The following RUNDC3A variants were observed in gnomAD, a reference collection of about 807,000 sequenced individuals.
The protein encoded by RUNDC3A is RUN domain-containing protein 3A.
A neutral mutation model predicts 53.9 loss-of-function variants in RUNDC3A; 28 were observed. The ratio of observed to expected loss-of-function variants is 0.52; its 90% CI spans 0.38 to 0.71. The LOEUF (loss-of-function observed/expected upper bound fraction) is 0.71, where lower values mean the gene tolerates loss of function less well. Ranked by LOEUF, RUNDC3A falls within the 30% of genes least tolerant of loss-of-function variation. The probability of loss-of-function intolerance (pLI) is 0.00; values close to 1 mark genes in which losing one functional copy is unlikely to be tolerated. For synonymous variants in RUNDC3A, 232 were observed against 249.4 expected (o/e 0.93, Z 0.66); for missense variants, 491 against 597.3 (o/e 0.82, Z 1.85).
chr17:44,317,878 A>G, intron 10 of RUNDC3A: 1 of 594,414 alleles, frequency 1.7e-6, no homozygotes, highest in Non-Finnish European at 3.0e-6. Flanking sequence ...TCACGGGGAG[A>G]CAGAGACATC....
Position 44,318,086 on chromosome 17 carries a change from C to T in RUNDC3A, c.1199-10C>T. 1.3e-6 allele frequency: 2 copies of T among 1,550,196 alleles called. No individual in the cohort carries two copies. Among genetic ancestry groups the T allele is most frequent in the South Asian group, 2.4e-5 (2 of 84,044 alleles). ...CTGGTCGCTTGGCCTCACCTGCCCT[C>T]TCTCCCCAGGGAAGGACCCCACGCC... On this transcript the variant is annotated splice_polypyrimidine_tract_variant and intron_variant, in intron 10 of 10. Coordinates refer to ENST00000426726, the MANE Select transcript of RUNDC3A (RefSeq NM_001144825.2).
At chr17:44,311,641 A>T (rs1416025744) in intron 1 of RUNDC3A, 4 of 151,908 alleles carry the variant, frequency 2.6e-5, no homozygotes, top group Non-Finnish European at 5.9e-5. Flanking sequence ...CACCCACAGC[A>T]GGGAAATCAT....
intron 1 of RUNDC3A, among the ~76,000 whole-genome samples, chr17:44,312,337 C>A (rs2047763535): frequency 6.6e-6 from 1 of 152,124 alleles, no homozygotes; most frequent in Admixed American, 6.5e-5. Flanking sequence ...TCTCCTGTCA[C>A]CCACTTTGTC....
At chr17:44,313,029 C>T in intron 2 of RUNDC3A, 75 bp from the exon 3 acceptor site, 2 of 1,503,724 alleles carry the variant, frequency 1.3e-6, no homozygotes, top group Non-Finnish European at 1.8e-6. Context: ...TATGCTTATG[C>T]ATGTGAGTGC....
At chr17:44,317,710 C>T in intron 10 of RUNDC3A, 1 of 628,834 alleles carries the variant, frequency 1.6e-6, no homozygotes, top group South Asian at 1.8e-5. Context: ...CCCCATCACA[C>T]TGTGTTTGTG....
At position 44,318,197 on chromosome 17, in the gene RUNDC3A, A is replaced by G. The variant is rs1395921989; in HGVS notation, c.1300A>G (p.Ser434Gly). The G allele has an allele frequency of 1.3e-6, 2 of 1,551,222 alleles. No homozygotes were observed. Among genetic ancestry groups the G allele is most frequent in the African/African-American group, 2.7e-5 (2 of 73,020 alleles). ...CTTCAAATCCAACGAGTGCCTGGTG[A>G]GCGACAGTCCCGAGGGCAGCCCAGC... is the stretch of plus-strand genomic sequence containing the variant. ...ASFKSNECLV[S>G]DSPEGSPALS... Residue 434 changes from serine (S) to glycine (G), a missense_variant, in exon 11 of 11, where the codon AGC becomes GGC. Physicochemically the swap from Ser to Gly is moderately conservative, Grantham distance 56 (BLOSUM62 0). This residue lies in a region of RUNDC3A where 218 missense variants were observed against 208.2 expected (regional missense o/e 1.05). Coordinates refer to ENST00000426726, the MANE Select transcript of RUNDC3A (RefSeq NM_001144825.2).
chr17:44,314,245 G>A, intron 4 of RUNDC3A: 1 of 1,003,980 alleles, frequency 1.0e-6, no homozygotes, highest in Non-Finnish European at 1.2e-6. Flanking sequence ...GAGGTTGGGT[G>A]CCTGAGGCAA....
At position 44,315,127 on chromosome 17, in the gene RUNDC3A, G is replaced by T; in HGVS notation, c.630-28G>T. The T allele has an allele frequency of 6.3e-7, 1 of 1,589,508 alleles. No individual in the cohort carries two copies. Among genetic ancestry groups the T allele is most frequent in the East Asian group, 2.3e-5 (1 of 43,678 alleles). The stretch of plus-strand genomic sequence containing the variant: ...GACGCGCGGGGGGAGGGGCGGGACC[G>T]GCCGTGCCCACTGCTCCCTCTCCCA... On this transcript the variant is annotated intron_variant, in intron 6 of 10. Coordinates refer to ENST00000426726, the MANE Select transcript of RUNDC3A (RefSeq NM_001144825.2). This position sits in a 1 kb window ranked among gnomAD's most constrained non-coding sequence, Gnocchi z 6.1.
chr17:44,317,648 T>C (rs1182383171), intron 10 of RUNDC3A: 27 of 703,856 alleles, frequency 3.8e-5, no homozygotes, highest in Non-Finnish European at 6.1e-5. Flanking sequence ...AACCACACTG[T>C]ATTGGATGAC....
At chr17:44,313,909 A>C (rs981462069) in intron 4 of RUNDC3A, 1 of 932,826 alleles carries the variant, frequency 1.1e-6, no homozygotes, top group African/African-American at 1.8e-5. Flanking sequence ...ACCTCAGGTG[A>C]TCCTCCCGCC....
In RUNDC3A at chr17:44,314,798, G is replaced by A. The variant is rs1259522992; in HGVS notation, c.522G>A (p.Leu174=). ...AAGCCACCATCCTCACCGGAATGCT[G>A]ATCGGACTGAGCGCCATCGACTTCA... ...RDEATILTGM[L]IGLSAIDFSF... is the part of the protein sequence containing the mutation. The change falls in exon 5 of 11, where the codon CTG becomes CTA. Residue 174 remains leucine (L), a synonymous_variant. Transcript: ENST00000426726. 2 of 1,613,412 alleles carry A rather than the reference G, an allele frequency of 1.2e-6. No individual in the cohort carries two copies. Among genetic ancestry groups the A allele is most frequent in the Non-Finnish European group, 1.7e-6 (2 of 1,179,856 alleles).
chr17:44,311,076 C>T lies in RUNDC3A; in HGVS notation c.108-1504C>T, dbSNP rs569762329. 13 of 985,092 alleles carry T rather than the reference C, an allele frequency of 1.3e-5. 1 individual carries two copies. In the South Asian group the frequency reaches 1.9e-4, roughly 14 times the overall value. The allele number at this position is 985,092 out of a possible 1,614,324, so 61.0% of individuals were successfully genotyped here. A position where few individuals can be genotyped will look rare whatever the true frequency, so the allele number is the denominator to read the frequency against. ...GGACTCACAGAGGGGCCCAAGGCCA[C>T]GTGAGTGCCACAGGGAAACAGGATT... On this transcript the variant is annotated intron_variant, in intron 1 of 10. Coordinates refer to ENST00000426726, the MANE Select transcript of RUNDC3A (RefSeq NM_001144825.2).
chr17:44,314,963 A>G lies in RUNDC3A; in HGVS notation c.583A>G (p.Thr195Ala), dbSNP rs1010626883. 6.2e-6 allele frequency: 10 copies of G among 1,613,464 alleles called. No individual in the cohort carries two copies. The highest frequency in any genetic ancestry group is 8.5e-6 in the Non-Finnish European group (10 of 1,179,828). ...AAAGGGGGAAGTCCTGGACGGGAAG[A>G]CCCCCGTGGTCATCGATTACACGCC... is the stretch of plus-strand genomic sequence containing the variant. ...CLKGEVLDGK[T>A]PVVIDYTPYL... is the part of the protein sequence containing the mutation. The change falls in exon 6 of 11, where the codon ACC becomes GCC. Residue 195 changes from threonine to alanine, a missense_variant. Thr to Ala is a moderately conservative substitution (Grantham distance 58). Transcript: ENST00000426726.
Position 44,308,948 on chromosome 17 carries a change from C to T in RUNDC3A, c.107+9C>T. ...CTGATCACCGTGTGCAGGTGGGCAC[C>T]GCTAGTGGGCGGGGGCTGGGGTGGT... On this transcript the variant is annotated intron_variant, in intron 1 of 10. Transcript: ENST00000426726. 6.4e-7 allele frequency: 1 copy of T among 1,552,316 alleles called. No homozygotes were observed.
rs1373809972 is a variant in RUNDC3A, at chr17:44,315,245, C to T, written c.720C>T (p.Leu240=). 9.7e-6 allele frequency: 15 copies of T among 1,550,848 alleles called. No homozygotes were observed. Among genetic ancestry groups the T allele is most frequent in the Admixed American group, 7.8e-5 (4 of 51,024 alleles). ...CGCCCGAGCACCCGTACCTCCCGCT[C>T]GTCACCGATGAGGACAGCTGGTACA... is the stretch of plus-strand genomic sequence containing the variant. ...DNSPEHPYLP[L]VTDEDSWYSK... is the part of the protein sequence containing the mutation. The change falls in exon 7 of 11, where the codon CTC becomes CTT. Residue 240 remains leucine, a synonymous_variant. Coordinates refer to ENST00000426726, the MANE Select transcript of RUNDC3A (RefSeq NM_001144825.2). This position sits in a 1 kb window ranked among gnomAD's most constrained non-coding sequence, Gnocchi z 6.1.
At chr17:44,317,776 C>A in intron 10 of RUNDC3A, 2 of 600,938 alleles carry the variant, frequency 3.3e-6, no homozygotes, top group Non-Finnish European at 5.9e-6. Flanking sequence ...GGGCAGGGAC[C>A]GTGTCTTGTC....
Position 44,313,442 on chromosome 17 carries a change from C to T in RUNDC3A, c.397C>T (p.Leu133=). ...GGGCCGGGCATGGATCCGGGTGGCA[C>T]TGATGGAGAAGCGCATGTCAGAATA... ...AKGRAWIRVA[L]MEKRMSEYIT... The change falls in exon 4 of 11, where the codon CTG becomes TTG. Residue 133 remains leucine (L), a synonymous_variant. Coordinates refer to ENST00000426726, the MANE Select transcript of RUNDC3A (RefSeq NM_001144825.2). The T allele has an allele frequency of 6.2e-6, 10 of 1,613,960 alleles. No homozygotes were observed. Among genetic ancestry groups the T allele is most frequent in the Non-Finnish European group, 7.6e-6 (9 of 1,179,860 alleles).
rs773530573 is a variant in RUNDC3A at position 44,314,968 on chromosome 17, C to G, written c.588C>G (p.Pro196=). 4 of 1,613,902 alleles carry G rather than the reference C, an allele frequency of 2.5e-6. No individual in the cohort carries two copies. The Admixed American group carries it at 5.0e-5, about 20-fold the overall frequency. ...GGGAAGTCCTGGACGGGAAGACCCC[C>G]GTGGTCATCGATTACACGCCCTACC... ...LKGEVLDGKT[P]VVIDYTPYLK... Residue 196 remains proline, a synonymous_variant, in exon 6 of 11, where the codon CCC becomes CCG. Coordinates refer to ENST00000426726, the MANE Select transcript of RUNDC3A (RefSeq NM_001144825.2).
At chr17:44,313,352 C>A in intron 3 of RUNDC3A, 66 bp from the exon 4 acceptor site, 1 of 1,609,042 alleles carries the variant, frequency 6.2e-7, no homozygotes. Flanking sequence ...GGGAGAAGGG[C>A]CCACACCTGA....
Sources: gnomAD v4.1 joint callset for allele counts (sites outside exome capture counted in the v4.1 genomes callset) on GRCh38, gnomAD v4.1.1 for gene constraint, gnomAD v4.1.1 regional missense constraint, Gnocchi (gnomAD v3.1) non-coding constraint, MANE v1.5 for transcripts, NCBI Gene and HGNC (gene_info 2026-07-23, HGNC 2026-07-21) for gene names.